The following STAG1 variants were observed in gnomAD, a reference collection of about 807,000 sequenced individuals.
STAG1 encodes cohesin subunit SA-1.
In STAG1, 26 loss-of-function variants were observed where a neutral mutation model predicts 170.9. The observed-to-expected ratio is 0.15, with a 90% CI of 0.11 to 0.21. STAG1 has a LOEUF of 0.21. Among genes scored for constraint, STAG1 ranks in the 10% least tolerant of loss-of-function variants. The pLI, the probability that STAG1 is intolerant of heterozygous loss-of-function variation, is 1.00. For missense variants in STAG1, 964 were observed against 1,509.5 expected, an observed-to-expected ratio of 0.64 and a Z score of 5.99; for synonymous variants, 514 against 497.7, an observed-to-expected ratio of 1.03 and a Z score of -0.44.
intron 4 of STAG1, among the ~76,000 whole-genome samples, chr3:136,602,902 T>C (rs958884870): frequency 6.6e-6 from 1 of 152,180 alleles, no homozygotes; most frequent in African/African-American, 2.4e-5. Context: ...AATCTATTTT[T>C]ATATTAAACT....
Position 136,722,759 on chromosome 3 carries a change from C to T in STAG1, c.-84+29436G>A, listed in dbSNP as rs373825906. ...GATGCCGAGCCGAAGCTGGACTGTA[C>T]TGCTGCCATCTCGGCTCACTGCAGC... On this transcript the variant is annotated intron_variant, in intron 1 of 33. Transcript: ENST00000383202. Among the ~76,000 whole-genome samples the T allele has an allele frequency of 1.9e-3, 296 of 151,948 alleles. 8 individuals carry two copies. In the East Asian group the frequency reaches 0.047, roughly 24 times the overall value.
chr3:136,749,807 C>A (rs1184474861), intron 1 of STAG1, among the ~76,000 whole-genome samples: 1 of 150,872 alleles, frequency 6.6e-6, no homozygotes, highest in African/African-American at 2.4e-5. Flanking sequence ...ACAGCTGACA[C>A]CCTGATTTTA....
At chr3:136,735,842 A>G (rs936221549) in intron 1 of STAG1, among the ~76,000 whole-genome samples, 9 of 152,222 alleles carry the variant, frequency 5.9e-5, no homozygotes, top group African/African-American at 2.2e-4. Context: ...TACCACTAAC[A>G]AATGCAGACA....
intron 1 of STAG1, among the ~76,000 whole-genome samples, chr3:136,695,393 C>T (rs1942854054): frequency 6.6e-6 from 1 of 151,066 alleles, no homozygotes; most frequent in South Asian, 2.1e-4. Context: ...GCCGAGATTG[C>T]ACCACTGCAC....
At chr3:136,411,923 G>C (rs954329944) in intron 21 of STAG1, among the ~76,000 whole-genome samples, 8 of 149,364 alleles carry the variant, frequency 5.4e-5, no homozygotes, top group Admixed American at 3.4e-4. Flanking sequence ...GAGTAGTTGG[G>C]ATTACAGGCA....
intron 4 of STAG1, chr3:136,587,045 CATG>C: frequency 2.8e-6 from 1 of 355,542 alleles, no homozygotes; most frequent in Non-Finnish European, 5.5e-6. Context: ...AATTGTCTAT[CATG>C]ATAAGCTACT....
At chr3:136,426,284 C>T (rs536245944) in intron 16 of STAG1, among the ~76,000 whole-genome samples, 11 of 152,166 alleles carry the variant, frequency 7.2e-5, no homozygotes, top group Admixed American at 5.9e-4. Flanking sequence ...GTGGCAGGTG[C>T]CTGTAGTCCC....
chr3:136,555,206 T>C (rs901256849), intron 5 of STAG1, among the ~76,000 whole-genome samples: 4 of 151,114 alleles, frequency 2.6e-5, no homozygotes, highest in Non-Finnish European at 5.9e-5. Flanking sequence ...AAATCTGGTT[T>C]ATCAAAATAA....
At chr3:136,498,229 T>TAC (rs1292451541) in intron 9 of STAG1, among the ~76,000 whole-genome samples, 4 of 57,742 alleles carry the variant, frequency 6.9e-5, no homozygotes, top group South Asian at 6.5e-4. Flanking sequence ...TATATATATA[T>TAC]ATATACACAT....
chr3:136,444,551 G>A (rs565041385), intron 14 of STAG1, among the ~76,000 whole-genome samples: 4 of 152,288 alleles, frequency 2.6e-5, no homozygotes, highest in South Asian at 2.1e-4. Context: ...TCAAACTACA[G>A]ACTGCAATCC....
At chr3:136,542,466 G>A (rs184617494) in intron 5 of STAG1, among the ~76,000 whole-genome samples, 2 of 152,210 alleles carry the variant, frequency 1.3e-5, no homozygotes, top group East Asian at 3.9e-4. Flanking sequence ...TAAAGTTCTA[G>A]ATAGTTTAAA....
At chr3:136,555,998 T>C (rs549808654) in intron 5 of STAG1, among the ~76,000 whole-genome samples, 6 of 152,286 alleles carry the variant, frequency 3.9e-5, no homozygotes, top group Admixed American at 2.0e-4. Flanking sequence ...AAACCAAACC[T>C]AGCAATAATT....
intron 32 of STAG1, 73 bp from the exon 33 acceptor site, chr3:136,338,523 A>G: frequency 9.0e-7 from 1 of 1,106,192 alleles, no homozygotes; most frequent in Non-Finnish European, 1.4e-6. Context: ...ATCAGCTAAT[A>G]TTTCTGACAG....
chr3:136,477,215 G>A (rs2107821081), intron 10 of STAG1, 74 bp downstream of exon 10: 1 of 1,469,804 alleles, frequency 6.8e-7, no homozygotes, highest in East Asian at 2.4e-5. Context: ...ATCAACTACT[G>A]TCATTTTGAT....
intron 1 of STAG1, among the ~76,000 whole-genome samples, chr3:136,650,158 C>T (rs770787682): frequency 6.6e-6 from 1 of 151,382 alleles, no homozygotes; most frequent in South Asian, 2.1e-4. Context: ...ATGGCTGAAG[C>T]CCAGGCAGTC....
chr3:136,471,240 A>T (rs942041561), intron 12 of STAG1, among the ~76,000 whole-genome samples: 8 of 152,166 alleles, frequency 5.3e-5, no homozygotes, highest in African/African-American at 1.9e-4. Context: ...TTTAAAAAAG[A>T]TGAGAATTCC....
chr3:136,402,023 T>C (rs1344644086), intron 21 of STAG1, among the ~76,000 whole-genome samples: 2 of 152,008 alleles, frequency 1.3e-5, no homozygotes, highest in African/African-American at 2.4e-5. Flanking sequence ...GGATTACAGG[T>C]GTGAGCCACC....
intron 22 of STAG1, among the ~76,000 whole-genome samples, chr3:136,389,248 A>G (rs1420250023): frequency 6.6e-6 from 1 of 152,212 alleles, no homozygotes; most frequent in East Asian, 1.9e-4. Context: ...ATAAGTAAAA[A>G]CAGCATTCAC....
chr3:136,368,005 T>C (rs889053482), intron 24 of STAG1, among the ~76,000 whole-genome samples: 2 of 152,188 alleles, frequency 1.3e-5, no homozygotes, highest in African/African-American at 4.8e-5. Context: ...CTCTCCCTTA[T>C]ATGTATAGAT....
Sources: gnomAD v4.1 joint callset for allele counts (sites outside exome capture counted in the v4.1 genomes callset) on GRCh38, gnomAD v4.1.1 for gene constraint, MANE v1.5 for transcripts, NCBI Gene and HGNC (gene_info 2026-07-23, HGNC 2026-07-21) for gene names.